The following IQCE variants were observed in gnomAD, a reference collection of about 807,000 sequenced individuals.
IQCE encodes IQ motif containing E, also known as IQ domain-containing protein E.
IQCE carries 115 observed loss-of-function variants against 96.0 expected under a neutral mutation model. That is an observed-to-expected ratio of 1.20 (90% CI 1.03 to 1.40). The LOEUF is 1.40. Among genes scored for constraint, IQCE ranks in the 40% most tolerant of loss-of-function variants. IQCE has a pLI of 0.00. For synonymous variants in IQCE, 412 were observed against 371.2 expected, an observed-to-expected ratio of 1.11 and a Z score of -1.26; for missense variants, 1,041 against 909.1, an observed-to-expected ratio of 1.15 and a Z score of -1.87.
In IQCE at chr7:2,605,863, C is replaced by T. The variant is rs933325695; in HGVS notation, c.1744-13C>T. On this transcript the variant is annotated splice_polypyrimidine_tract_variant and intron_variant, in intron 19 of 21. Transcript: ENST00000402050. ...GCCAAACAGTCGTCTTCCCTGCTGT[C>T]CTTGCACCCCAGAGCTCTCCTGTGC... 1.3e-6 allele frequency: 2 copies of T among 1,574,022 alleles called. No homozygotes were observed. The highest frequency in any genetic ancestry group is 1.7e-6 in the Non-Finnish European group (2 of 1,160,378).
chr7:2,567,312 G>C, intron 2 of IQCE, 149 bp downstream of exon 2: 2 of 688,768 alleles, frequency 2.9e-6, no homozygotes, highest in East Asian at 5.4e-5. Context: ...TGTTTGAAAA[G>C]TTTCCAGCCC....
In IQCE at chr7:2,578,534, T is replaced by C. The variant is rs750593594; in HGVS notation, c.630+8T>C. On this transcript the variant is annotated splice_region_variant and intron_variant, in intron 8 of 21. Coordinates refer to ENST00000402050, the MANE Select transcript of IQCE (RefSeq NM_152558.5). ...AGGCCCGATGCCAGTTGGGTGAGTA[T>C]GGTGTGTGCAGGACAGAGCCTTTCC... 5.0e-6 allele frequency: 8 copies of C among 1,613,960 alleles called. No individual in the cohort carries two copies. Among genetic ancestry groups the C allele is most frequent in the Admixed American group, 3.3e-5 (2 of 60,000 alleles).
chr7:2,595,374 A>T (rs1428516087), intron 16 of IQCE, among the ~76,000 whole-genome samples: 1 of 152,142 alleles, frequency 6.6e-6, no homozygotes, highest in Non-Finnish European at 1.5e-5. Flanking sequence ...GTTCCAGAAC[A>T]CAAGTTGGCA....
At chr7:2,572,726 T>A (rs1265067966) in intron 5 of IQCE, 1 of 458,812 alleles carries the variant, frequency 2.2e-6, no homozygotes, top group Non-Finnish European at 4.4e-6. Flanking sequence ...TCTTTTTTTT[T>A]AGAGACGGAA....
In IQCE at chr7:2,607,172, G is replaced by A. The variant is rs1362468444; in HGVS notation, c.1914G>A (p.Ser638=). Residue 638 remains serine, a synonymous_variant, in exon 21 of 22, where the codon TCG becomes TCA. Transcript: ENST00000402050. The stretch of plus-strand genomic sequence containing the variant: ...CCGCAGCTTCTACCAGGAGGAGATC[G>A]GCTTCAGCCACACACGGGGACGCCT... ...TTTAASTRRR[S]ASATHGDASS... is the part of the protein sequence containing the mutation. The A allele has an allele frequency of 3.1e-6, 5 of 1,612,568 alleles. No individual in the cohort carries two copies. The highest frequency in any genetic ancestry group is 1.7e-5 in the Admixed American group (1 of 59,802).
Position 2,607,130 on chromosome 7 carries a change from C to G in IQCE, c.1872C>G (p.Thr624=), listed in dbSNP as rs750208569. The G allele has an allele frequency of 3.1e-6, 5 of 1,598,520 alleles. No homozygotes were observed. The highest frequency in any genetic ancestry group is 4.3e-6 in the Non-Finnish European group (5 of 1,173,782). ...AHLARARHSA[T]GKRTTTAAST... is the part of the protein sequence containing the mutation. ...GTTTTCTGTTTTTTTCCAGTGCTACCGGTAAAAGAACCACCACCGCAGCTT... is the reference window on the plus strand; with the variant it reads ...GTTTTCTGTTTTTTTCCAGTGCTACGGGTAAAAGAACCACCACCGCAGCTT... Residue 624 remains threonine (T), a synonymous_variant, in exon 21 of 22, where the codon ACC becomes ACG. Transcript: ENST00000402050.
intron 13 of IQCE, among the ~76,000 whole-genome samples, chr7:2,588,574 C>T (rs1278282125): frequency 1.4e-5 from 2 of 147,612 alleles, no homozygotes; most frequent in African/African-American, 2.5e-5. Context: ...AGGATGGTCT[C>T]GATCTCCTGA....
At position 2,584,273 on chromosome 7, in the gene IQCE, C is replaced by A; in HGVS notation, c.812C>A (p.Thr271Asn). Residue 271 changes from threonine to asparagine, a missense_variant, in exon 11 of 22, where the codon ACC becomes AAC. Thr to Asn is a moderately conservative substitution (Grantham distance 65). Coordinates refer to ENST00000402050, the MANE Select transcript of IQCE (RefSeq NM_152558.5). ...CAGACCCTCTTGGCAAGTTCTGAAACCACCGGAAAGAAGTATGATGGCCGC... is the reference window on the plus strand; with the variant it reads ...CAGACCCTCTTGGCAAGTTCTGAAAACACCGGAAAGAAGTATGATGGCCGC... Reference protein sequence around the residue: ...RLQTLLASSETTGKKPLGEKK... With the variant: ...RLQTLLASSENTGKKPLGEKK... 6.2e-7 allele frequency: 1 copy of A among 1,614,064 alleles called. No individual in the cohort carries two copies. Among genetic ancestry groups the A allele is most frequent in the Non-Finnish European group, 8.5e-7 (1 of 1,179,894 alleles).
chr7:2,576,961 G>A (rs777868366), intron 6 of IQCE, among the ~76,000 whole-genome samples: 2 of 152,194 alleles, frequency 1.3e-5, no homozygotes, highest in African/African-American at 2.4e-5. Context: ...CGCATTCCGT[G>A]GGACGGGGTT....
In IQCE at chr7:2,584,268, T is replaced by A; in HGVS notation, c.807T>A (p.Ser269=). 6.2e-7 allele frequency: 1 copy of A among 1,614,118 alleles called. No individual in the cohort carries two copies. Among genetic ancestry groups the A allele is most frequent in the Non-Finnish European group, 8.5e-7 (1 of 1,179,926 alleles). Residue 269 remains serine, a synonymous_variant, in exon 11 of 22, where the codon TCT becomes TCA. Transcript: ENST00000402050. ...GTCTCCAGACCCTCTTGGCAAGTTC[T>A]GAAACCACCGGAAAGAAGTATGATG... is the stretch of plus-strand genomic sequence containing the variant. ...VHRLQTLLAS[S]ETTGKKPLGE...
chr7:2,597,488 C>T (rs546605425), intron 16 of IQCE, among the ~76,000 whole-genome samples: 58 of 152,240 alleles, frequency 3.8e-4, no homozygotes, highest in Non-Finnish European at 7.2e-4. Flanking sequence ...AGGCCACCTG[C>T]GCCTGGCGCC....
chr7:2,567,322 C>G (rs546385637), intron 2 of IQCE, among the ~76,000 whole-genome samples, 159 bp downstream of exon 2: 13 of 152,374 alleles, frequency 8.5e-5, no homozygotes, highest in Non-Finnish European at 1.5e-4. Flanking sequence ...GTTTCCAGCC[C>G]TTAGGTTTAA....
intron 1 of IQCE, 176 bp downstream of exon 1, chr7:2,559,393 C>A (rs2128422077): frequency 3.1e-6 from 1 of 326,000 alleles, no homozygotes; most frequent in Non-Finnish European, 5.4e-6. Flanking sequence ...GCAGGCCCCG[C>A]GCCGCCTGCA....
intron 1 of IQCE, among the ~76,000 whole-genome samples, chr7:2,563,588 GT>G (rs2128426785): frequency 6.6e-6 from 1 of 152,104 alleles, no homozygotes; most frequent in South Asian, 2.1e-4. Context: ...ACAGCTGTAT[GT>G]TTCTCTTTGA....
intron 1 of IQCE, among the ~76,000 whole-genome samples, chr7:2,560,989 G>A (rs956945887): frequency 1.2e-4 from 18 of 147,010 alleles, no homozygotes; most frequent in African/African-American, 3.7e-4. Flanking sequence ...ACACAGTCTC[G>A]CTTTGCCACC....
intron 17 of IQCE, among the ~76,000 whole-genome samples, chr7:2,600,765 T>A (rs1784378993): frequency 6.6e-6 from 1 of 152,224 alleles, no homozygotes; most frequent in Admixed American, 6.5e-5. Context: ...GATGTACCTG[T>A]CATCCGGCCG....
At chr7:2,590,862 T>C (rs1365655473) in intron 14 of IQCE, among the ~76,000 whole-genome samples, 2 of 152,166 alleles carry the variant, frequency 1.3e-5, no homozygotes, top group Non-Finnish European at 2.9e-5. Context: ...TTGACTTTCA[T>C]TGGTTTATGT....
intron 12 of IQCE, among the ~76,000 whole-genome samples, chr7:2,587,108 T>G (rs1315838543): frequency 6.6e-6 from 1 of 152,098 alleles, no homozygotes; most frequent in African/African-American, 2.4e-5. Flanking sequence ...TTAGGGAAAC[T>G]GCAGAGAGGG....
chr7:2,588,434 A>C (rs1167634962), intron 13 of IQCE, among the ~76,000 whole-genome samples: 6 of 150,534 alleles, frequency 4.0e-5, no homozygotes, highest in African/African-American at 1.5e-4. Flanking sequence ...GGTCACGGCA[A>C]CCTCCGCCTC....
Sources: gnomAD v4.1 joint callset for allele counts (sites outside exome capture counted in the v4.1 genomes callset) on GRCh38, gnomAD v4.1.1 for gene constraint, MANE v1.5 for transcripts, NCBI Gene and HGNC (gene_info 2026-07-23, HGNC 2026-07-21) for gene names.